USP42: variants seen among roughly 807,000 people sequenced by gnomAD.
USP42 encodes the protein ubiquitin specific peptidase 42, also known as ubiquitin carboxyl-terminal hydrolase 42.
In USP42, 23 loss-of-function variants were observed where a neutral mutation model predicts 113.0. The ratio of observed to expected loss-of-function variants is 0.20; its 90% CI spans 0.15 to 0.29. The LOEUF (loss-of-function observed/expected upper bound fraction) is 0.29. Ranked by LOEUF, USP42 falls within the 10% of genes least tolerant of loss-of-function variation. The probability of loss-of-function intolerance (pLI) is 1.00; values close to 1 mark genes in which losing one functional copy is unlikely to be tolerated. For missense variants in USP42, 2,174 were observed against 1,779.8 expected, an observed-to-expected ratio of 1.22 and a Z score of -3.99; for synonymous variants, 933 against 699.0, an observed-to-expected ratio of 1.33 and a Z score of -5.28.
At chr7:6,155,282 TGACCAGCCAGGCCACAGTTG>T (rs1333700765) in intron 15 of USP42, 87 bp downstream of exon 15, 9 of 1,440,118 alleles carry the variant, frequency 6.2e-6, no homozygotes, top group Non-Finnish European at 8.2e-6. Flanking sequence ...CAGGAACAAG[TGACCAGCCAGGCCACAGTTG>T]TATCCGTCTG....
In USP42 at chr7:6,154,941, C is replaced by T. The variant is rs918965698; in HGVS notation, c.3387C>T (p.Pro1129=). 2.6e-6 allele frequency: 4 copies of T among 1,552,964 alleles called. No individual in the cohort carries two copies. The highest frequency in any genetic ancestry group is 1.4e-5 in the African/African-American group (1 of 73,156). The change falls in exon 15 of 18, where the codon CCC becomes CCT. Residue 1129 remains proline, a synonymous_variant. Coordinates refer to ENST00000306177, the MANE Select transcript of USP42 (RefSeq NM_032172.3). ...AGAPHALAPH[P]DRFSHDRTAL... ...CGCCCCACGCCCTCGCCCCGCACCC[C>T]GACCGCTTCTCCCACGACAGAACTG...
the USP42 span, among the ~76,000 whole-genome samples, chr7:6,099,705 G>A: frequency 2.0e-5 from 3 of 150,084 alleles, no homozygotes; most frequent in African/African-American, 7.5e-5. Context: ...GCTCATGCCT[G>A]TAATCCCAGC....
At chr7:6,136,030 A>AGCAAGACTCT in intron 4 of USP42, 79 bp downstream of exon 4, 2 of 877,088 alleles carry the variant, frequency 2.3e-6, no homozygotes, top group Non-Finnish European at 3.3e-6. Context: ...TTCGAGACAG[A>AGCAAGACTCT]GTCTTGCTCT....
intron 4 of USP42, among the ~76,000 whole-genome samples, chr7:6,136,190 G>T (rs1378435037): frequency 1.3e-5 from 2 of 151,934 alleles, no homozygotes; most frequent in Non-Finnish European, 2.9e-5. Flanking sequence ...TTTTAGTACA[G>T]ATGGGGTTTC....
At chr7:6,128,502 T>G (rs1055080522) in intron 3 of USP42, among the ~76,000 whole-genome samples, 32 of 152,296 alleles carry the variant, frequency 2.1e-4, no homozygotes, top group African/African-American at 7.7e-4. Context: ...TCAGCCTGCC[T>G]GTGTCATTAC....
In USP42 at chr7:6,159,951, A is replaced by AC. The variant is rs891049215; in HGVS notation, c.*36+465dup. On this transcript the variant is annotated intron_variant, in intron 17 of 17. Transcript: ENST00000306177. This position sits in a 1 kb window ranked among gnomAD's most constrained non-coding sequence, Gnocchi z 4.1. ...GAGGTGGCACTGAGCTGGAGCCAGC[A>AC]CCCCCCCAGCAGCCACCGTACAAAA... 5.3e-5 allele frequency among the ~76,000 whole-genome samples: 8 copies of AC among 151,700 alleles called. No homozygotes were observed. In the East Asian group the frequency reaches 7.8e-4, roughly 15 times the overall value.
intron 12 of USP42, 73 bp from the exon 13 acceptor site, chr7:6,149,510 T>TC: frequency 1.3e-6 from 2 of 1,503,238 alleles, no homozygotes; most frequent in Non-Finnish European, 1.8e-6. Flanking sequence ...GAAGGACCCA[T>TC]CAGCCAAAAT....
chr7:6,116,762 G>A (rs562546400), intron 3 of USP42: 11 of 532,606 alleles, frequency 2.1e-5, no homozygotes, highest in Admixed American at 9.7e-5. Flanking sequence ...CAGAATTAAC[G>A]TTCTGTTTGC....
In USP42 at chr7:6,123,739, T is replaced by A. The variant is rs184911894; in HGVS notation, c.442+8216T>A. 3.3e-5 allele frequency among the ~76,000 whole-genome samples: 5 copies of A among 150,076 alleles called. No individual in the cohort carries two copies. The East Asian group carries it at 1.0e-3, about 31-fold the overall frequency. Reference sequence around the variant, plus strand: ...GGTGTTCTTCTATAGTCTTAGCTACTCGGGAGGCCGAGGTAGGAGAATCAC... The same window carrying A: ...GGTGTTCTTCTATAGTCTTAGCTACACGGGAGGCCGAGGTAGGAGAATCAC... On this transcript the variant is annotated intron_variant, in intron 3 of 17. Coordinates refer to ENST00000306177, the MANE Select transcript of USP42 (RefSeq NM_032172.3).
Position 6,154,039 on chromosome 7 carries a change from A to G in USP42, c.2485A>G (p.Ser829Gly), listed in dbSNP as rs766843998. ...TCCCGGGAGCTTAACAGGCGATGCG[A>G]GCCCGTTGTCCCAGGACGCAAAGGG... ...CDPGSLTGDASPLSQDAKGMI... is the reference protein window; with the variant it reads ...CDPGSLTGDAGPLSQDAKGMI... Residue 829 changes from serine to glycine, a missense_variant, in exon 15 of 18, where the codon AGC becomes GGC. Transcript: ENST00000306177. 36 of 1,605,288 alleles carry G rather than the reference A, an allele frequency of 2.2e-5. No individual in the cohort carries two copies. The highest frequency in any genetic ancestry group is 2.8e-5 in the Non-Finnish European group (33 of 1,179,338).
At chr7:6,109,306 A>T (rs1188106628) in intron 1 of USP42, among the ~76,000 whole-genome samples, 1 of 152,144 alleles carries the variant, frequency 6.6e-6, no homozygotes, top group African/African-American at 2.4e-5. Context: ...TGGCGAGGTT[A>T]TTAGGTCAGA....
At chr7:6,135,053 G>C (rs1331005886) in intron 3 of USP42, among the ~76,000 whole-genome samples, 1 of 152,206 alleles carries the variant, frequency 6.6e-6, no homozygotes, top group Non-Finnish European at 1.5e-5. Flanking sequence ...GCTTCCCAGA[G>C]TGCTGAGATG....
chr7:6,115,000 A>T (rs190504936), intron 2 of USP42, among the ~76,000 whole-genome samples: 143 of 151,908 alleles, frequency 9.4e-4, no homozygotes, highest in East Asian at 7.8e-3. Flanking sequence ...CTATATATAT[A>T]TTTTTTTAAG....
chr7:6,141,201 CTTT>C (rs903124477), intron 7 of USP42, among the ~76,000 whole-genome samples: 4 of 123,996 alleles, frequency 3.2e-5, no homozygotes, highest in African/African-American at 9.0e-5. Flanking sequence ...TTTTTCTTTT[CTTT>C]TTTTTTTTTT....
At chr7:6,119,324 A>C (rs1780085887) in intron 3 of USP42, among the ~76,000 whole-genome samples, 1 of 152,122 alleles carries the variant, frequency 6.6e-6, no homozygotes, top group South Asian at 2.1e-4. Context: ...AATAAAAAAA[A>C]TTCTCTGGGT....
In USP42 at chr7:6,159,324, TG is replaced by T; in HGVS notation, c.3944-124del. Reference sequence around the variant, plus strand: ...CATCCCTGCTCACCTCACTGGGGAGTGGCCTCAGGCGCTCACAGGGAACCGC... The same window carrying T: ...CATCCCTGCTCACCTCACTGGGGAGTGCCTCAGGCGCTCACAGGGAACCGC... On this transcript the variant is annotated intron_variant, in intron 16 of 17. Transcript: ENST00000306177. The surrounding 1 kb of genome is among the most constrained non-coding windows in gnomAD (Gnocchi z 4.1). 5 of 1,221,608 alleles carry T rather than the reference TG, an allele frequency of 4.1e-6. No homozygotes were observed. The highest frequency in any genetic ancestry group is 5.9e-6 in the Non-Finnish European group (5 of 849,408). The allele number at this position is 1,221,608 out of a possible 1,614,324, so 75.7% of individuals were successfully genotyped here.
chr7:6,115,242 G>A, intron 2 of USP42, 81 bp from the exon 3 acceptor site: 3 of 1,370,776 alleles, frequency 2.2e-6, no homozygotes, highest in Non-Finnish European at 3.1e-6. Flanking sequence ...TGTAAAGATT[G>A]AGGTTTGACC....
At chr7:6,130,503 C>T (rs907226856) in intron 3 of USP42, among the ~76,000 whole-genome samples, 3 of 152,104 alleles carry the variant, frequency 2.0e-5, no homozygotes, top group Non-Finnish European at 4.4e-5. Context: ...GGGTGGAAAT[C>T]TGGGCTCCCC....
At position 6,157,128 on chromosome 7, in the gene USP42, C is replaced by A. The variant is rs1473574815; in HGVS notation, c.3943+73C>A. The A allele has an allele frequency of 4.1e-6, 6 of 1,457,126 alleles. No homozygotes were observed. The African/African-American group carries it at 8.5e-5, about 21-fold the overall frequency. 90.3% of individuals were successfully genotyped at this position (1,457,126 alleles called of 1,614,324 possible). ...ACATTTTCTTTGCAAAGGTGATTAA[C>A]ATGTAGAAAGAAAACCTCAGGTGGC... On this transcript the variant is annotated intron_variant, in intron 16 of 17. Transcript: ENST00000306177. This position sits in a 1 kb window ranked among gnomAD's most constrained non-coding sequence, Gnocchi z 4.1.
Sources: allele counts gnomAD v4.1 joint callset (sites outside exome capture counted in the v4.1 genomes callset), GRCh38; gene constraint gnomAD v4.1.1; non-coding constraint Gnocchi (gnomAD v3.1); transcripts MANE v1.5; gene names NCBI Gene and HGNC (gene_info 2026-07-23, HGNC 2026-07-21).